The following FBXL17 variants were observed in gnomAD, a reference collection of about 807,000 sequenced individuals.
FBXL17 encodes the protein F-box/LRR-repeat protein 17.
In FBXL17, 22 loss-of-function variants were observed where a neutral mutation model predicts 66.2. That is an observed-to-expected ratio of 0.33 (90% CI 0.24 to 0.47). The LOEUF (loss-of-function observed/expected upper bound fraction) is 0.47. Among genes scored for constraint, FBXL17 ranks in the 20% least tolerant of loss-of-function variants. The pLI is 1.00. For synonymous variants in FBXL17, 474 were observed against 400.5 expected (o/e 1.18, Z -2.19); for missense variants, 878 against 948.2 (o/e 0.93, Z 0.97).
chr5:107,916,104 A>G (rs1750117558), intron 7 of FBXL17, among the ~76,000 whole-genome samples: 1 of 152,148 alleles, frequency 6.6e-6, no homozygotes, highest in Non-Finnish European at 1.5e-5. Flanking sequence ...ACCTTACCTA[A>G]GCCACTGCTA....
In FBXL17 at chr5:108,233,758, A is replaced by G. The variant is rs79381957; in HGVS notation, c.1507-9530T>C. ...GGAATGTCTGTTGTACTAGAGTCAA[A>G]AGGACCATTAAAAGCCTGCATAATG... On this transcript the variant is annotated intron_variant, in intron 4 of 8. Transcript: ENST00000542267. 3.3e-3 allele frequency among the ~76,000 whole-genome samples: 503 copies of G among 152,312 alleles called. 2 individuals carry two copies. The highest frequency in any genetic ancestry group is 0.012 in the African/African-American group (489 of 41,576).
intron 4 of FBXL17, among the ~76,000 whole-genome samples, chr5:108,268,641 CAAGGA>C (rs1024583473): frequency 4.0e-5 from 6 of 151,738 alleles, no homozygotes; most frequent in African/African-American, 1.5e-4. Flanking sequence ...AAAAAAATGG[CAAGGA>C]AAGAAACGCA....
At chr5:108,208,722 T>G (rs1483545193) in intron 5 of FBXL17, among the ~76,000 whole-genome samples, 1 of 152,190 alleles carries the variant, frequency 6.6e-6, no homozygotes, top group African/African-American at 2.4e-5. Flanking sequence ...ACCCTTATAG[T>G]ATAGTTTGCA....
Position 108,290,513 on chromosome 5 carries a change from A to T in FBXL17, c.1506+57886T>A, listed in dbSNP as rs942169513. 3.3e-5 allele frequency among the ~76,000 whole-genome samples: 5 copies of T among 152,190 alleles called. 1 individual carries two copies. On this transcript the variant is annotated intron_variant, in intron 4 of 8. Coordinates refer to ENST00000542267, the MANE Select transcript of FBXL17 (RefSeq NM_001163315.3). ...CTTCTTGCTATTCCTTCCCATGTCA[A>T]TTTCAAATCAGATTGGCAAATATTG... is the stretch of plus-strand genomic sequence containing the variant.
chr5:108,370,280 A>G (rs1017930254), intron 1 of FBXL17, among the ~76,000 whole-genome samples: 1 of 152,208 alleles, frequency 6.6e-6, no homozygotes, highest in African/African-American at 2.4e-5. Context: ...GTTGTAATAC[A>G]TGATTTCAAT....
At chr5:107,865,905 T>G (rs1299785456) in intron 8 of FBXL17, among the ~76,000 whole-genome samples, 1 of 152,186 alleles carries the variant, frequency 6.6e-6, no homozygotes, top group Non-Finnish European at 1.5e-5. Flanking sequence ...AGTGCTTTGG[T>G]GCCATAGAGG....
chr5:108,275,900 A>G (rs1382485539), intron 4 of FBXL17, among the ~76,000 whole-genome samples: 2 of 152,144 alleles, frequency 1.3e-5, no homozygotes, highest in Non-Finnish European at 2.9e-5. Flanking sequence ...CACAGAATCA[A>G]TGTGGATGAG....
In FBXL17 at chr5:108,306,168, CAT is replaced by C. The variant is rs566548992; in HGVS notation, c.1506+42229_1506+42230del. ...AATTTTATACATTTTCTTGAAAAAA[CAT>C]ATGTGTACTTACTGATATTATAATT... is the stretch of plus-strand genomic sequence containing the variant. On this transcript the variant is annotated intron_variant, in intron 4 of 8. Coordinates refer to ENST00000542267, the MANE Select transcript of FBXL17 (RefSeq NM_001163315.3). Among the ~76,000 whole-genome samples, 418 of 152,084 alleles carry C rather than the reference CAT, an allele frequency of 2.7e-3. 4 individuals are homozygous for C. The highest frequency in any genetic ancestry group is 9.6e-3 in the African/African-American group (398 of 41,518).
chr5:107,972,318 A>G (rs1015797114), intron 7 of FBXL17, among the ~76,000 whole-genome samples: 2 of 152,228 alleles, frequency 1.3e-5, no homozygotes, highest in Non-Finnish European at 2.9e-5. Context: ...CTTTATAGGT[A>G]GATAAGAAAG....
chr5:107,874,027 A>G (rs1748538564), intron 8 of FBXL17, among the ~76,000 whole-genome samples: 1 of 152,182 alleles, frequency 6.6e-6, no homozygotes, highest in South Asian at 2.1e-4. Flanking sequence ...TCCTGAAAAA[A>G]CAAACCAAAC....
intron 6 of FBXL17, among the ~76,000 whole-genome samples, chr5:108,151,135 C>T (rs1345038049): frequency 6.6e-6 from 1 of 151,928 alleles, no homozygotes; most frequent in Admixed American, 6.6e-5. Context: ...CTTTTTTTCC[C>T]TAAATCTTTA....
At chr5:108,262,066 A>ATTTT (rs1164308201) in intron 4 of FBXL17, among the ~76,000 whole-genome samples, 12 of 134,050 alleles carry the variant, frequency 9.0e-5, no homozygotes, top group African/African-American at 3.0e-4. Flanking sequence ...TTATTTATTT[A>ATTTT]TTTATTTATT....
chr5:108,379,103 G>A (rs187766464), intron 1 of FBXL17, among the ~76,000 whole-genome samples: 4 of 152,266 alleles, frequency 2.6e-5, no homozygotes, highest in Non-Finnish European at 4.4e-5. Context: ...ACGCGGTATA[G>A]GATAAGTTTA....
chr5:107,880,633 A>G (rs1205270563), intron 8 of FBXL17: 6 of 1,146,716 alleles, frequency 5.2e-6, no homozygotes, highest in South Asian at 6.8e-5. Flanking sequence ...TGAAAAACCA[A>G]TTTGGCACTG....
chr5:107,914,907 C>A (rs1253895376), intron 7 of FBXL17, among the ~76,000 whole-genome samples: 2 of 152,126 alleles, frequency 1.3e-5, no homozygotes, highest in African/African-American at 4.8e-5. Context: ...AGCTAATAAA[C>A]CTCCCTTCTT....
intron 4 of FBXL17, among the ~76,000 whole-genome samples, chr5:108,310,076 T>G (rs1198322733): frequency 1.3e-5 from 2 of 152,158 alleles, no homozygotes; most frequent in Non-Finnish European, 2.9e-5. Context: ...GGTGAATGTC[T>G]GTACATTAAG....
chr5:107,942,252 C>T (rs183538036), intron 7 of FBXL17, among the ~76,000 whole-genome samples: 1 of 152,276 alleles, frequency 6.6e-6, no homozygotes, highest in Admixed American at 6.5e-5. Context: ...AAAGGAAAAA[C>T]AAAACTTTGT....
chr5:108,334,614 G>T (rs1760290144), intron 4 of FBXL17, among the ~76,000 whole-genome samples: 1 of 152,170 alleles, frequency 6.6e-6, no homozygotes, highest in Non-Finnish European at 1.5e-5. Flanking sequence ...GTGAAACCAA[G>T]CCTTCTTGAA....
intron 7 of FBXL17, among the ~76,000 whole-genome samples, chr5:107,948,667 A>G (rs1370556253): frequency 2.0e-5 from 3 of 152,180 alleles, no homozygotes; most frequent in Non-Finnish European, 4.4e-5. Context: ...ATTAAACCCA[A>G]ATTTCTTCCT....
Sources: gnomAD v4.1 joint callset for allele counts (sites outside exome capture counted in the v4.1 genomes callset) on GRCh38, gnomAD v4.1.1 for gene constraint, MANE v1.5 for transcripts, NCBI Gene and HGNC (gene_info 2026-07-23, HGNC 2026-07-21) for gene names.